The following SF3B1 variants were observed in gnomAD, a reference collection of about 807,000 sequenced individuals.
SF3B1 encodes splicing factor 3b subunit 1.
SF3B1 carries 12 observed loss-of-function variants against 153.8 expected under a neutral mutation model. That is an observed-to-expected ratio of 0.08 (90% confidence interval 0.05 to 0.13). The LOEUF is 0.13. Ranked by LOEUF, SF3B1 falls within the 10% of genes least tolerant of loss-of-function variation. The probability of loss-of-function intolerance (pLI) is 1.00; values close to 1 mark genes in which losing one functional copy is unlikely to be tolerated. For synonymous variants in SF3B1, 498 were observed against 525.2 expected (o/e 0.95, Z 0.71); for missense variants, 513 against 1,606.1 (o/e 0.32, Z 11.63).
intron 12 of SF3B1, among the ~76,000 whole-genome samples, 178 bp from the exon 13 acceptor site, chr2:197,403,213 TAA>T (rs1346208050): frequency 6.6e-6 from 1 of 152,148 alleles, no homozygotes; most frequent in Middle Eastern, 3.2e-3. Flanking sequence ...GATGAAAATT[TAA>T]GAGAGCTATT....
rs1323980050 is a variant in SF3B1, at chr2:197,418,489, C to A, written c.495+20G>T. 1.9e-6 allele frequency: 3 copies of A among 1,562,762 alleles called. No homozygotes were observed. Among genetic ancestry groups the A allele is most frequent in the Non-Finnish European group, 2.6e-6 (3 of 1,138,504 alleles). On this transcript the variant is annotated intron_variant, in intron 5 of 24. Coordinates refer to ENST00000335508, the MANE Select transcript of SF3B1 (RefSeq NM_012433.4). Reference sequence around the variant, plus strand: ...TTATATTCTTTCACAACCATTAAAACAGGAGACAGGTTTACATACTTCTTC... The same window carrying A: ...TTATATTCTTTCACAACCATTAAAAAAGGAGACAGGTTTACATACTTCTTC...
At chr2:197,395,334 A>C (rs1366154162) in intron 23 of SF3B1, among the ~76,000 whole-genome samples, 1 of 152,216 alleles carries the variant, frequency 6.6e-6, no homozygotes, top group Admixed American at 6.5e-5. Flanking sequence ...TGTCGAGTCC[A>C]GTTAAGTCTC....
intron 1 of SF3B1, among the ~76,000 whole-genome samples, chr2:197,429,512 G>A (rs1001025806): frequency 2.0e-4 from 31 of 152,160 alleles, no homozygotes; most frequent in African/African-American, 6.0e-4. Context: ...AGGCCGGCAC[G>A]GTGGCTCACG....
rs1214406683 is a variant in SF3B1, at chr2:197,391,470, C to T, written c.*833G>A. On this transcript the variant is annotated 3_prime_UTR_variant, in exon 25 of 25. Coordinates refer to ENST00000335508, the MANE Select transcript of SF3B1 (RefSeq NM_012433.4). ...TTACTGATGCATTGCTGAGTAGTGG[C>T]TTATAACATGGAGAAAAGCCCAACA... 6 of 152,196 alleles carry T rather than the reference C, an allele frequency of 3.9e-5. No homozygotes were observed. In the East Asian group the frequency reaches 1.2e-3, roughly 29 times the overall value. The allele number at this position is 152,196 out of a possible 1,614,324, so 9.4% of individuals were successfully genotyped here.
intron 1 of SF3B1, among the ~76,000 whole-genome samples, chr2:197,427,014 G>T (rs2085346599): frequency 6.6e-6 from 1 of 152,078 alleles, no homozygotes; most frequent in African/African-American, 2.4e-5. Flanking sequence ...TTCTCATTTG[G>T]ATAACACTTA....
chr2:197,404,945 G>T (rs1435814680), intron 11 of SF3B1, 131 bp downstream of exon 11: 4 of 611,108 alleles, frequency 6.5e-6, no homozygotes, highest in Admixed American at 3.2e-5. Flanking sequence ...TTGGGAGGTA[G>T]GCCAAAGCAG....
At chr2:197,415,251 A>ATTAT (rs931972047) in intron 6 of SF3B1, among the ~76,000 whole-genome samples, 2 of 151,024 alleles carry the variant, frequency 1.3e-5, no homozygotes, top group Non-Finnish European at 3.0e-5. Context: ...AGTAGCTTTA[A>ATTAT]TTATTTATTT....
chr2:197,431,661 C>T (rs2085439502), intron 1 of SF3B1, among the ~76,000 whole-genome samples: 1 of 152,134 alleles, frequency 6.6e-6, no homozygotes, highest in Non-Finnish European at 1.5e-5. Context: ...TTCCAAAATA[C>T]AAGGCTTCTA....
At position 197,421,110 on chromosome 2, in the gene SF3B1, A is replaced by G; in HGVS notation, c.219T>C (p.Ser73=). Residue 73 remains serine (S), a synonymous_variant, in exon 3 of 25, where the codon TCT becomes TCC. Transcript: ENST00000335508. ...GCTTCTTCTGACCAAGCAAACTCGT[A>G]GATGATGAATAGTCATCGTCATCCT... The part of the protein sequence containing the change: ...LEDDDDDYSS[S]TSLLGQKKPG... 1.2e-6 allele frequency: 2 copies of G among 1,613,216 alleles called. No homozygotes were observed. Among genetic ancestry groups the G allele is most frequent in the Non-Finnish European group, 1.7e-6 (2 of 1,179,352 alleles).
intron 5 of SF3B1, 60 bp from the exon 6 acceptor site, chr2:197,416,971 G>A: frequency 1.3e-6 from 2 of 1,504,908 alleles, no homozygotes; most frequent in South Asian, 2.4e-5. Flanking sequence ...TCTACCATTA[G>A]CGCAATCACT....
At chr2:197,392,581 G>GGT in intron 24 of SF3B1, 120 bp from the exon 25 acceptor site, 2 of 273,286 alleles carry the variant, frequency 7.3e-6, no homozygotes, top group Non-Finnish European at 1.4e-5. Context: ...GGGGGGGGGG[G>GGT]AACCTACTAA....
In SF3B1 at chr2:197,400,449, TA is replaced by T. The variant is rs770725816; in HGVS notation, c.2719-16del. The T allele has an allele frequency of 1.3e-6, 2 of 1,546,512 alleles. No homozygotes were observed. The highest frequency in any genetic ancestry group is 8.8e-7 in the Non-Finnish European group (1 of 1,140,598). ...ATTACTGAGTCCTAAAAAATAAATT[TA>T]AAAAAAAGACATATTCATTTGGTTT... On this transcript the variant is annotated splice_polypyrimidine_tract_variant and intron_variant, in intron 18 of 24. Transcript: ENST00000335508. This position sits in a 1 kb window ranked among gnomAD's most constrained non-coding sequence, Gnocchi z 5.0.
At chr2:197,422,691 C>A (rs1221782560) in intron 2 of SF3B1, among the ~76,000 whole-genome samples, 3 of 151,410 alleles carry the variant, frequency 2.0e-5, no homozygotes, top group Non-Finnish European at 4.4e-5. Flanking sequence ...GAGATCGAGA[C>A]CATCCTGGCT....
At chr2:197,406,253 A>AAT (rs1057178413) in intron 9 of SF3B1, among the ~76,000 whole-genome samples, 2 of 151,776 alleles carry the variant, frequency 1.3e-5, no homozygotes, top group Non-Finnish European at 2.9e-5. Flanking sequence ...TATATAATTT[A>AAT]ATATATAGTA....
chr2:197,426,806 C>T (rs1338184864), intron 1 of SF3B1, among the ~76,000 whole-genome samples: 1 of 152,150 alleles, frequency 6.6e-6, no homozygotes, highest in South Asian at 2.1e-4. Flanking sequence ...CCCAGCCCAC[C>T]CCTACCAAAT....
At chr2:197,405,217 GTTATGAT>G (rs1362777637) in intron 10 of SF3B1, 40 bp from the exon 11 acceptor site, 1 of 1,594,846 alleles carries the variant, frequency 6.3e-7, no homozygotes, top group Non-Finnish European at 8.6e-7. Context: ...AAGTTGAAAT[GTTATGAT>G]TTATAATTCT....
intron 4 of SF3B1, chr2:197,420,212 T>C (rs1468423681): frequency 4.4e-6 from 2 of 450,636 alleles, no homozygotes; most frequent in African/African-American, 2.0e-5. Flanking sequence ...CATTGGCTCA[T>C]TTTTTTCTTG....
At chr2:197,403,559 C>A in intron 12 of SF3B1, 26 bp downstream of exon 12, 2 of 1,469,000 alleles carry the variant, frequency 1.4e-6, no homozygotes, top group Non-Finnish European at 1.8e-6. Flanking sequence ...TTTAAACTAT[C>A]AGAAACACTA....
intron 6 of SF3B1, among the ~76,000 whole-genome samples, chr2:197,413,082 T>A (rs1215888347): frequency 6.6e-6 from 1 of 151,876 alleles, no homozygotes; most frequent in Non-Finnish European, 1.5e-5. Flanking sequence ...AACTTAGTAC[T>A]GAATGTCATC....
Sources: allele counts gnomAD v4.1 joint callset (sites outside exome capture counted in the v4.1 genomes callset), GRCh38; gene constraint gnomAD v4.1.1; non-coding constraint Gnocchi (gnomAD v3.1); transcripts MANE v1.5; gene names NCBI Gene and HGNC (gene_info 2026-07-23, HGNC 2026-07-21).